GLI3: variants seen among roughly 807,000 people sequenced by gnomAD.
GLI3 encodes the protein GLI family zinc finger 3.
Under a neutral mutation model 100.8 loss-of-function variants are expected in GLI3, and 20 were observed. That is an observed-to-expected ratio of 0.20 (90% confidence interval 0.14 to 0.29). The LOEUF is 0.29. Ranked by LOEUF, GLI3 falls within the 10% of genes least tolerant of loss-of-function variation. The pLI, the probability that GLI3 is intolerant of heterozygous loss-of-function variation, is 1.00. For synonymous variants in GLI3, 938 were observed against 860.5 expected, an observed-to-expected ratio of 1.09 and a Z score of -1.58; for missense variants, 2,040 against 2,128.5, an observed-to-expected ratio of 0.96 and a Z score of 0.82.
intron 2 of GLI3, among the ~76,000 whole-genome samples, chr7:42,194,899 T>C (rs1052473605): frequency 1.3e-5 from 2 of 151,718 alleles, no homozygotes; most frequent in Admixed American, 6.6e-5. Context: ...CCCGAGTAAC[T>C]GGGATTACAG....
chr7:42,095,468 A>G lies in GLI3; in HGVS notation c.368-18611T>C, dbSNP rs538205305. 7.6e-4 allele frequency among the ~76,000 whole-genome samples: 116 copies of G among 152,290 alleles called. 1 individual carries two copies. The highest frequency in any genetic ancestry group is 2.2e-3 in the African/African-American group (93 of 41,568). On this transcript the variant is annotated intron_variant, in intron 3 of 14. Transcript: ENST00000395925. ...AATGGGTTGGAGTGGAATGAAATGA[A>G]GGTGGAGAACAAGAGATGTAAAGAC...
At chr7:42,000,409 G>C (rs890584761) in intron 10 of GLI3, among the ~76,000 whole-genome samples, 1 of 152,108 alleles carries the variant, frequency 6.6e-6, no homozygotes, top group African/African-American at 2.4e-5. Context: ...AAATGTTTGC[G>C]AGTTGAGATA....
intron 3 of GLI3, among the ~76,000 whole-genome samples, chr7:42,087,404 A>G (rs1785125524): frequency 6.6e-6 from 1 of 152,186 alleles, no homozygotes; most frequent in South Asian, 2.1e-4. Flanking sequence ...CAGCCTGACC[A>G]GGCTGCCTGC....
rs559911885 is a variant in GLI3 at position 42,092,661 on chromosome 7, G to A, written c.368-15804C>T. Among the ~76,000 whole-genome samples, 8 of 152,238 alleles carry A rather than the reference G, an allele frequency of 5.3e-5. No homozygotes were observed. In the South Asian group the frequency reaches 1.7e-3, roughly 32 times the overall value. The stretch of plus-strand genomic sequence containing the variant: ...AGTCCAGTGGGCACCGCACTGCCCC[G>A]GCTTTTATCTCAGAACCACAGGAGG... On this transcript the variant is annotated intron_variant, in intron 3 of 14. Transcript: ENST00000395925.
chr7:42,134,145 G>A (rs569176412), intron 3 of GLI3, among the ~76,000 whole-genome samples: 1 of 152,122 alleles, frequency 6.6e-6, no homozygotes, highest in East Asian at 1.9e-4. Context: ...CTCTAAGGTG[G>A]GTCTCAAAAG....
intron 3 of GLI3, among the ~76,000 whole-genome samples, chr7:42,086,625 T>C (rs986549391): frequency 2.0e-5 from 3 of 151,926 alleles, no homozygotes; most frequent in Admixed American, 2.0e-4. Context: ...TGGTGTCCCC[T>C]CAGTTGAGGA....
Position 41,976,117 on chromosome 7 carries a change from T to G in GLI3, c.1812+1441A>C, listed in dbSNP as rs1222471776. 2.6e-5 allele frequency among the ~76,000 whole-genome samples: 4 copies of G among 152,300 alleles called. No homozygotes were observed. In the South Asian group the frequency reaches 8.3e-4, roughly 32 times the overall value. ...ATCACTATTCCCTCTCCCCTCTGCT[T>G]TTGGCAACCACTGATCTACTTTCTA... On this transcript the variant is annotated intron_variant, in intron 12 of 14. Transcript: ENST00000395925.
At chr7:42,172,137 T>G (rs1032291208) in intron 2 of GLI3, among the ~76,000 whole-genome samples, 20 of 152,158 alleles carry the variant, frequency 1.3e-4, no homozygotes, top group African/African-American at 4.6e-4. Flanking sequence ...AGTTGGAAAT[T>G]CTTTTTAATT....
chr7:42,230,273 C>T (rs1788672988), intron 1 of GLI3, among the ~76,000 whole-genome samples: 1 of 152,168 alleles, frequency 6.6e-6, no homozygotes, highest in African/African-American at 2.4e-5. Flanking sequence ...TCCGCTTTGC[C>T]ATTTGGTAGC....
At chr7:42,001,855 TA>T (rs1222446320) in intron 10 of GLI3, among the ~76,000 whole-genome samples, 2 of 152,104 alleles carry the variant, frequency 1.3e-5, no homozygotes, top group South Asian at 2.1e-4. Context: ...AGACAGAAGG[TA>T]AAAAAATTTT....
intron 3 of GLI3, among the ~76,000 whole-genome samples, chr7:42,119,469 G>T (rs372722127): frequency 6.6e-6 from 1 of 152,124 alleles, no homozygotes. Flanking sequence ...CAGCTGTAAT[G>T]TACACTCTCT....
At chr7:42,023,110 C>T (rs561740171) in intron 10 of GLI3, among the ~76,000 whole-genome samples, 6 of 152,158 alleles carry the variant, frequency 3.9e-5, no homozygotes, top group South Asian at 2.1e-4. Flanking sequence ...CCATTGTTAC[C>T]GGGTCTTGGA....
intron 2 of GLI3, among the ~76,000 whole-genome samples, chr7:42,153,272 C>T (rs1345081619): frequency 6.6e-6 from 1 of 152,144 alleles, no homozygotes; most frequent in Non-Finnish European, 1.5e-5. Flanking sequence ...TCAGAGCTTA[C>T]GTCCTATTTC....
chr7:41,988,714 T>G (rs1260451169), intron 10 of GLI3, among the ~76,000 whole-genome samples: 1 of 152,180 alleles, frequency 6.6e-6, no homozygotes, highest in African/African-American at 2.4e-5. Context: ...ATTTATAAAT[T>G]ACCCAGTGTT....
At chr7:42,259,443 A>C (rs966917506) in intron 1 of GLI3, among the ~76,000 whole-genome samples, 9 of 152,228 alleles carry the variant, frequency 5.9e-5, no homozygotes, top group Admixed American at 4.6e-4. Flanking sequence ...GCTCTAAGTC[A>C]GTTTCTTAAT....
chr7:42,193,556 G>C (rs550710703), intron 2 of GLI3, among the ~76,000 whole-genome samples: 5 of 152,158 alleles, frequency 3.3e-5, no homozygotes, highest in Non-Finnish European at 5.9e-5. Context: ...TTGTTCTCAG[G>C]TGGGACGTTT....
intron 2 of GLI3, among the ~76,000 whole-genome samples, chr7:42,170,397 CTTTT>C (rs1185274818): frequency 8.6e-5 from 7 of 81,064 alleles, no homozygotes; most frequent in Admixed American, 3.2e-4. Flanking sequence ...ACTTACTGAT[CTTTT>C]TTTTTTTTTT....
chr7:42,178,151 A>G (rs1161948933), intron 2 of GLI3, among the ~76,000 whole-genome samples: 1 of 152,248 alleles, frequency 6.6e-6, no homozygotes, highest in African/African-American at 2.4e-5. Flanking sequence ...GGCCAAAAGC[A>G]GCACACAACA....
rs1375768446 is a variant in GLI3, at chr7:42,040,037, C to T, written c.1028+1G>A. ...CATAATGGATTCAGGAAAATACATA[C>T]CTGATTGCACTTGCAGATAAGTGAC... On this transcript the variant is annotated splice_donor_variant, in intron 7 of 14. Transcript: ENST00000395925. LOFTEE classifies it high-confidence loss of function. 1 of 1,605,194 alleles carries T rather than the reference C, an allele frequency of 6.2e-7. No homozygotes were observed. Among genetic ancestry groups the T allele is most frequent in the Non-Finnish European group, 8.5e-7 (1 of 1,172,016 alleles).
Sources: gnomAD v4.1 joint callset for allele counts (sites outside exome capture counted in the v4.1 genomes callset) on GRCh38, gnomAD v4.1.1 for gene constraint, MANE v1.5 for transcripts, NCBI Gene and HGNC (gene_info 2026-07-23, HGNC 2026-07-21) for gene names.